UNC13C: variants seen among roughly 807,000 people sequenced by gnomAD.
UNC13C encodes protein unc-13 homolog C.
Under a neutral mutation model 245.4 loss-of-function variants are expected in UNC13C, and 174 were observed. That is an observed-to-expected ratio of 0.71 (90% CI 0.63 to 0.80). UNC13C has a LOEUF of 0.80. UNC13C is among the 30% of genes least tolerant of loss of function. UNC13C has a pLI of 0.00. For missense variants in UNC13C, 2,829 were observed against 2,602.9 expected (o/e 1.09, Z -1.89); for synonymous variants, 992 against 895.1 (o/e 1.11, Z -1.93).
intron 30 of UNC13C, among the ~76,000 whole-genome samples, chr15:54,569,497 T>C (rs1297307348): frequency 1.3e-5 from 2 of 152,112 alleles, no homozygotes; most frequent in African/African-American, 4.8e-5. Context: ...TTTAAAAATA[T>C]TTTCCATCCG....
intron 29 of UNC13C, among the ~76,000 whole-genome samples, chr15:54,566,635 G>T (rs191049618): frequency 2.2e-4 from 33 of 151,946 alleles, no homozygotes; most frequent in African/African-American, 7.5e-4. Flanking sequence ...AATTTCTCTG[G>T]CCTACACCCT....
chr15:53,977,362 G>C (rs1034289040), upstream of UNC13C, among the ~76,000 whole-genome samples: 1 of 152,118 alleles, frequency 6.6e-6, no homozygotes, highest in African/African-American at 2.4e-5. Flanking sequence ...CGGTTTAACT[G>C]TTTATTTTGA....
intron 10 of UNC13C, among the ~76,000 whole-genome samples, chr15:54,285,550 A>C (rs961226124): frequency 6.6e-6 from 1 of 152,206 alleles, no homozygotes; most frequent in African/African-American, 2.4e-5. Context: ...AGCTGTAACT[A>C]GAGAATTTAA....
chr15:54,127,779 A>C (rs1274641571), intron 2 of UNC13C, among the ~76,000 whole-genome samples: 1 of 145,090 alleles, frequency 6.9e-6, no homozygotes, highest in East Asian at 2.0e-4. Flanking sequence ...ATAAAATAAT[A>C]TATTTAATAT....
intron 4 of UNC13C, among the ~76,000 whole-genome samples, chr15:54,196,950 G>A (rs753396367): frequency 3.0e-4 from 46 of 152,084 alleles, no homozygotes; most frequent in Non-Finnish European, 5.7e-4. Flanking sequence ...GCTCAGTATT[G>A]TTTTGGAGAT....
At chr15:54,610,037 A>G (rs538685200) in intron 30 of UNC13C, among the ~76,000 whole-genome samples, 2 of 152,018 alleles carry the variant, frequency 1.3e-5, no homozygotes, top group African/African-American at 4.8e-5. Flanking sequence ...TGACATGGGG[A>G]GATTATGGGA....
At chr15:54,554,130 A>T (rs1012652350) in intron 28 of UNC13C, among the ~76,000 whole-genome samples, 2 of 152,048 alleles carry the variant, frequency 1.3e-5, no homozygotes, top group Non-Finnish European at 2.9e-5. Flanking sequence ...AATCTGTGAC[A>T]CACATTGAAG....
intron 1 of UNC13C, among the ~76,000 whole-genome samples, chr15:53,983,985 G>C (rs1894027003): frequency 6.6e-6 from 1 of 151,846 alleles, no homozygotes; most frequent in African/African-American, 2.4e-5. Flanking sequence ...CACTACCCTA[G>C]TTCAAGTTCT....
chr15:54,265,035 T>C (rs2036518079), intron 9 of UNC13C, among the ~76,000 whole-genome samples: 1 of 152,012 alleles, frequency 6.6e-6, no homozygotes, highest in Non-Finnish European at 1.5e-5. Context: ...TGGGTAATTT[T>C]TCATATAAGT....
At chr15:54,424,323 A>G (rs542450686) in intron 19 of UNC13C, among the ~76,000 whole-genome samples, 2 of 151,906 alleles carry the variant, frequency 1.3e-5, no homozygotes, top group African/African-American at 2.4e-5. Context: ...AAACTTGGGA[A>G]GGAGGTAGCA....
At chr15:54,368,656 A>C (rs1326326372) in intron 17 of UNC13C, among the ~76,000 whole-genome samples, 1 of 152,048 alleles carries the variant, frequency 6.6e-6, no homozygotes. Context: ...GCTAACACCT[A>C]ATTTATGTTA....
the UNC13C span, among the ~76,000 whole-genome samples, chr15:53,906,740 G>T: frequency 2.0e-5 from 3 of 152,172 alleles, no homozygotes; most frequent in East Asian, 1.9e-4. Context: ...GATACTACCC[G>T]AGATTGGGTA....
At chr15:53,924,985 AAGCTATCAAT>A in the UNC13C span, among the ~76,000 whole-genome samples, 5 of 152,346 alleles carry the variant, frequency 3.3e-5, no homozygotes, top group East Asian at 9.6e-4. Flanking sequence ...GATGGGATTT[AAGCTATCAAT>A]AGAAAATTGT....
At chr15:54,431,106 G>A (rs1243527348) in intron 19 of UNC13C, among the ~76,000 whole-genome samples, 3 of 151,686 alleles carry the variant, frequency 2.0e-5, no homozygotes, top group Non-Finnish European at 3.0e-5. Context: ...TATTGCTGAC[G>A]GAGTACTGGA....
In UNC13C at chr15:54,015,248, G is replaced by T; in HGVS notation, c.2345G>T (p.Arg782Leu). The change falls in exon 2 of 33, where the codon CGA becomes CTA. Residue 782 changes from arginine (R) to leucine (L), a missense_variant. Physicochemically the swap from Arg to Leu is moderately radical, Grantham distance 102. Coordinates refer to ENST00000260323, the MANE Select transcript of UNC13C (RefSeq NM_001080534.3). ...EDAPPKSWHSRLSIDLSDKTF... is the reference protein window; with the variant it reads ...EDAPPKSWHSLLSIDLSDKTF... ...GCCCCACCCAAATCATGGCATAGTCGATTAAGCATTGACCTTTCTGATAAG... is the reference window on the plus strand; with the variant it reads ...GCCCCACCCAAATCATGGCATAGTCTATTAAGCATTGACCTTTCTGATAAG... 6.2e-7 allele frequency: 1 copy of T among 1,613,368 alleles called. No individual in the cohort carries two copies. The highest frequency in any genetic ancestry group is 8.5e-7 in the Non-Finnish European group (1 of 1,179,716).
chr15:54,288,501 T>C (rs1405018446), intron 10 of UNC13C, among the ~76,000 whole-genome samples: 1 of 151,950 alleles, frequency 6.6e-6, no homozygotes, highest in Non-Finnish European at 1.5e-5. Context: ...AGTCTTTTTT[T>C]TTTTCTTTTA....
intron 7 of UNC13C, among the ~76,000 whole-genome samples, chr15:54,240,443 G>A (rs1246688096): frequency 6.6e-6 from 1 of 152,070 alleles, no homozygotes; most frequent in East Asian, 1.9e-4. Context: ...TTATGTGAAG[G>A]GAAATGGCTT....
intron 4 of UNC13C, among the ~76,000 whole-genome samples, chr15:54,210,151 G>A (rs768772308): frequency 6.7e-6 from 1 of 149,768 alleles, no homozygotes; most frequent in Non-Finnish European, 1.5e-5. Flanking sequence ...TATAGTTGTT[G>A]TTCCAGAAAT....
At chr15:54,165,853 CCTCT>C (rs1346933384) in intron 4 of UNC13C, among the ~76,000 whole-genome samples, 3 of 151,822 alleles carry the variant, frequency 2.0e-5, no homozygotes, top group African/African-American at 7.3e-5. Flanking sequence ...TCCCTCCCTC[CCTCT>C]CTTTTTCTCC....
Sources: allele counts gnomAD v4.1 joint callset (sites outside exome capture counted in the v4.1 genomes callset), GRCh38; gene constraint gnomAD v4.1.1; transcripts MANE v1.5; gene names NCBI Gene and HGNC (gene_info 2026-07-23, HGNC 2026-07-21).